Variants in RPH3A observed in about 807,000 individuals in gnomAD.
RPH3A encodes the protein rabphilin-3A.
In RPH3A, 48 loss-of-function variants were observed where a neutral mutation model predicts 102.2. The observed-to-expected ratio is 0.47, with a 90% CI of 0.37 to 0.60. The LOEUF is 0.60. Among genes scored for constraint, RPH3A ranks in the 20% least tolerant of loss-of-function variants. RPH3A has a pLI of 0.00. For synonymous variants in RPH3A, 310 were observed against 324.3 expected (o/e 0.96, Z 0.47); for missense variants, 781 against 910.1 (o/e 0.86, Z 1.83).
chr12:112,599,596 A>T (rs1352242425), intron 1 of RPH3A, among the ~76,000 whole-genome samples: 2 of 152,198 alleles, frequency 1.3e-5, no homozygotes, highest in Non-Finnish European at 2.9e-5. Flanking sequence ...TAAATGGGTT[A>T]GTTATAGCTT....
chr12:112,876,448 C>T (rs1263655331), intron 12 of RPH3A, among the ~76,000 whole-genome samples, 194 bp from the exon 13 acceptor site: 1 of 152,134 alleles, frequency 6.6e-6, no homozygotes, highest in Non-Finnish European at 1.5e-5. Flanking sequence ...TGATTTGTAC[C>T]CCCACAAGGT....
intron 2 of RPH3A, among the ~76,000 whole-genome samples, chr12:112,808,535 T>C (rs2041512326): frequency 6.6e-6 from 1 of 152,236 alleles, no homozygotes; most frequent in Admixed American, 6.5e-5. Flanking sequence ...CAGCCTCCCC[T>C]GGCTTTCCCC....
intron 14 of RPH3A, 134 bp from the exon 15 acceptor site, chr12:112,881,638 T>C (rs1247288792): frequency 3.5e-6 from 2 of 573,246 alleles, no homozygotes; most frequent in South Asian, 2.9e-5. Flanking sequence ...ATTTCCCTTC[T>C]CTCTCTTTGG....
chr12:112,727,606 GAAACTT>G (rs980733867), intron 1 of RPH3A, among the ~76,000 whole-genome samples: 46 of 149,638 alleles, frequency 3.1e-4, no homozygotes, highest in African/African-American at 8.4e-4. Flanking sequence ...CCCATGGAAA[GAAACTT>G]AAACTTAAGT....
At chr12:112,858,012 T>C (rs1455784634) in intron 5 of RPH3A, among the ~76,000 whole-genome samples, 1 of 152,114 alleles carries the variant, frequency 6.6e-6, no homozygotes, top group Non-Finnish European at 1.5e-5. Context: ...CTCATACCTG[T>C]AATCCCAGCA....
chr12:112,692,192 G>T (rs1256766021), intron 1 of RPH3A, among the ~76,000 whole-genome samples: 1 of 152,142 alleles, frequency 6.6e-6, no homozygotes, highest in African/African-American at 2.4e-5. Context: ...AGATGGAGAT[G>T]GGGAGAGATT....
At chr12:112,789,102 T>C (rs2041070102), upstream of RPH3A, among the ~76,000 whole-genome samples, 1 of 151,686 alleles carries the variant, frequency 6.6e-6, no homozygotes, top group South Asian at 2.1e-4. Flanking sequence ...AGGTTGCGGT[T>C]AGGCGAGATC....
chr12:112,662,084 C>CCT (rs1319662062), intron 1 of RPH3A, among the ~76,000 whole-genome samples: 13 of 152,158 alleles, frequency 8.5e-5, no homozygotes, highest in African/African-American at 2.9e-4. Flanking sequence ...TCATTCTGTA[C>CCT]CTCTGCAAAG....
At chr12:112,645,733 AT>A (rs1404826322) in intron 1 of RPH3A, among the ~76,000 whole-genome samples, 1 of 152,182 alleles carries the variant, frequency 6.6e-6, no homozygotes, top group African/African-American at 2.4e-5. Context: ...TTGTTCAAAG[AT>A]TGCAATCGCT....
At chr12:112,784,505 A>G (rs1430703173) in intron 1 of RPH3A, among the ~76,000 whole-genome samples, 1 of 152,216 alleles carries the variant, frequency 6.6e-6, no homozygotes, top group Non-Finnish European at 1.5e-5. Context: ...TAAACATGCA[A>G]TTTGGGATGG....
chr12:112,858,446 A>C, intron 5 of RPH3A, among the ~76,000 whole-genome samples: 1 of 151,836 alleles, frequency 6.6e-6, no homozygotes, highest in Non-Finnish European at 1.5e-5. Flanking sequence ...CCCACCATTC[A>C]GCCTCCCAGC....
intron 1 of RPH3A, among the ~76,000 whole-genome samples, chr12:112,757,024 G>A (rs1475847965): frequency 6.6e-6 from 1 of 152,042 alleles, no homozygotes; most frequent in Non-Finnish European, 1.5e-5. Context: ...AGCCATGTGT[G>A]TTTTCTTTTC....
chr12:112,736,418 G>A (rs929703299), intron 1 of RPH3A, among the ~76,000 whole-genome samples: 3 of 152,168 alleles, frequency 2.0e-5, no homozygotes, highest in Non-Finnish European at 2.9e-5. Flanking sequence ...TCCCCTCACT[G>A]GACCAAAAGC....
chr12:112,817,022 G>A (rs1404085505), intron 2 of RPH3A, among the ~76,000 whole-genome samples: 1 of 152,106 alleles, frequency 6.6e-6, no homozygotes, highest in African/African-American at 2.4e-5. Flanking sequence ...GGTGTTGGAA[G>A]GTAAGTAAAC....
At chr12:112,828,259 T>C in intron 2 of RPH3A, 42 bp from the exon 3 acceptor site, 1 of 1,385,332 alleles carries the variant, frequency 7.2e-7, no homozygotes, top group Non-Finnish European at 1.0e-6. Context: ...AAGGAGTGGC[T>C]GAATGATGGG....
chr12:112,788,371 G>A (rs546674021), upstream of RPH3A, among the ~76,000 whole-genome samples: 27 of 152,264 alleles, frequency 1.8e-4, no homozygotes, highest in Non-Finnish European at 2.9e-4. Flanking sequence ...TGGAGGGTCA[G>A]TTGAGGCCTC....
rs569946898 is a variant in RPH3A, at chr12:112,717,469, T to C, written c.-139-74674T>C. On this transcript the variant is annotated intron_variant, in intron 1 of 21. Coordinates refer to the RPH3A transcript ENST00000543106. Reference sequence around the variant, plus strand: ...CCATTACTTTTAATTATATATACTTTCTGTGTTATATATAATATATATGTA... The same window carrying C: ...CCATTACTTTTAATTATATATACTTCCTGTGTTATATATAATATATATGTA... Among the ~76,000 whole-genome samples the C allele has an allele frequency of 2.0e-5, 3 of 152,240 alleles. No homozygotes were observed. The East Asian group carries it at 5.8e-4, about 29-fold the overall frequency.
intron 10 of RPH3A, 136 bp downstream of exon 10, chr12:112,870,175 A>C: frequency 1.2e-6 from 1 of 859,578 alleles, no homozygotes; most frequent in Non-Finnish European, 1.7e-6. Flanking sequence ...TATTCCAGAT[A>C]CTGGTTTTAG....
At chr12:112,612,545 A>G (rs2039646950) in intron 1 of RPH3A, among the ~76,000 whole-genome samples, 1 of 149,038 alleles carries the variant, frequency 6.7e-6, no homozygotes, top group Non-Finnish European at 1.5e-5. Flanking sequence ...TGGGCCCTAA[A>G]GAGGGAGTTT....
Sources: gnomAD v4.1 joint callset for allele counts (sites outside exome capture counted in the v4.1 genomes callset) on GRCh38, gnomAD v4.1.1 for gene constraint, MANE v1.5 for transcripts, NCBI Gene and HGNC (gene_info 2026-07-23, HGNC 2026-07-21) for gene names.